GMDS: variants seen among roughly 807,000 people sequenced by gnomAD.
GMDS encodes GDP-mannose 4,6 dehydratase.
A neutral mutation model predicts 49.9 loss-of-function variants in GMDS; 20 were observed. The ratio of observed to expected loss-of-function variants is 0.40; its 90% CI spans 0.28 to 0.58. The LOEUF is 0.58. Ranked by LOEUF, GMDS falls within the 20% of genes least tolerant of loss-of-function variation. GMDS has a pLI of 0.42. For synonymous variants in GMDS, 177 were observed against 178.6 expected, an observed-to-expected ratio of 0.99 and a Z score of 0.07; for missense variants, 362 against 481.4, an observed-to-expected ratio of 0.75 and a Z score of 2.32.
chr6:2,132,452 T>C (rs892673571), intron 1 of GMDS, among the ~76,000 whole-genome samples: 4 of 152,218 alleles, frequency 2.6e-5, no homozygotes, highest in African/African-American at 9.6e-5. Context: ...GATAGGATTA[T>C]GTTTCAACAT....
At chr6:2,138,577 T>C (rs551509083) in intron 1 of GMDS, among the ~76,000 whole-genome samples, 41 of 152,314 alleles carry the variant, frequency 2.7e-4, no homozygotes, top group Admixed American at 2.5e-3. Context: ...TGCGGTCTAG[T>C]GGGAGGTGTT....
chr6:1,862,626 C>T (rs1237065809), intron 7 of GMDS, among the ~76,000 whole-genome samples: 1 of 152,204 alleles, frequency 6.6e-6, no homozygotes, highest in East Asian at 1.9e-4. Context: ...TTAGTCTTTG[C>T]CAAAGAACCT....
At chr6:2,207,907 T>C (rs1177819057) in intron 1 of GMDS, among the ~76,000 whole-genome samples, 1 of 151,874 alleles carries the variant, frequency 6.6e-6, no homozygotes, top group Non-Finnish European at 1.5e-5. Context: ...AAACAGGATC[T>C]TGAGAACCAA....
At chr6:1,853,876 G>C (rs901777741) in intron 7 of GMDS, among the ~76,000 whole-genome samples, 1 of 152,108 alleles carries the variant, frequency 6.6e-6, no homozygotes. Context: ...TAAATGCAAG[G>C]TGTATTTTTA....
At chr6:1,888,732 C>A (rs375851872) in intron 7 of GMDS, among the ~76,000 whole-genome samples, 3 of 152,110 alleles carry the variant, frequency 2.0e-5, no homozygotes, top group African/African-American at 7.2e-5. Context: ...CAAGGCAAGT[C>A]CCTTCTGCCT....
chr6:1,836,483 T>C lies in GMDS; in HGVS notation c.771+93620A>G, dbSNP rs1448638890. Among the ~76,000 whole-genome samples the C allele has an allele frequency of 4.6e-5, 7 of 152,380 alleles. No homozygotes were observed. The highest frequency in any genetic ancestry group is 8.8e-5 in the Non-Finnish European group (6 of 68,044). On this transcript the variant is annotated intron_variant, in intron 7 of 10. Transcript: ENST00000380815. This position sits in a 1 kb window ranked among gnomAD's most constrained non-coding sequence, Gnocchi z 4.2. Reference sequence around the variant, plus strand: ...ATCATAGTATTTTCTATTATGTTGCTAGATAAAGACATTTTTAGAGTTTCA... The same window carrying C: ...ATCATAGTATTTTCTATTATGTTGCCAGATAAAGACATTTTTAGAGTTTCA...
chr6:1,631,558 G>GT (rs925028620), intron 9 of GMDS, among the ~76,000 whole-genome samples: 1 of 151,970 alleles, frequency 6.6e-6, no homozygotes, highest in Non-Finnish European at 1.5e-5. Context: ...TGTAGATGGG[G>GT]TTTTTTTCCT....
chr6:1,670,371 T>G (rs1400997933), intron 9 of GMDS, among the ~76,000 whole-genome samples: 4 of 107,642 alleles, frequency 3.7e-5, no homozygotes, highest in Non-Finnish European at 6.9e-5. Context: ...TTTTTTTTGG[T>G]TTTTTTTTTT....
chr6:1,840,785 G>A (rs1472228152), intron 7 of GMDS, among the ~76,000 whole-genome samples: 1 of 152,162 alleles, frequency 6.6e-6, no homozygotes, highest in Non-Finnish European at 1.5e-5. Flanking sequence ...CTTAAAAAAA[G>A]GAAAAATTTG....
chr6:1,900,621 T>C (rs1276622186), intron 7 of GMDS, among the ~76,000 whole-genome samples: 1 of 152,170 alleles, frequency 6.6e-6, no homozygotes, highest in Admixed American at 6.5e-5. Context: ...AGTCATGAAG[T>C]TTTATGGCCA....
chr6:1,704,661 A>C (rs758805489), intron 9 of GMDS, among the ~76,000 whole-genome samples: 5 of 152,232 alleles, frequency 3.3e-5, no homozygotes, highest in African/African-American at 1.2e-4. Flanking sequence ...CACAGTGTCC[A>C]GTGTGTAATA....
intron 7 of GMDS, among the ~76,000 whole-genome samples, chr6:1,751,750 C>G (rs1767742022): frequency 1.3e-5 from 2 of 152,164 alleles, no homozygotes; most frequent in South Asian, 4.1e-4. Context: ...CCTCAGGCTC[C>G]CAAAGTGCTG....
intron 1 of GMDS, among the ~76,000 whole-genome samples, chr6:2,240,480 T>G (rs1471615249): frequency 6.6e-6 from 1 of 151,886 alleles, no homozygotes; most frequent in South Asian, 2.1e-4. Context: ...TTCAAACACC[T>G]GTAATCCCAG....
chr6:1,640,070 C>T lies in GMDS; in HGVS notation c.988-15530G>A, dbSNP rs1763281054. ...TGGGTAAGTGCCCGACAGACAGCAG[C>T]TCCTGCCACTGCACAGTCAGTGACG... On this transcript the variant is annotated intron_variant, in intron 9 of 10. Coordinates refer to ENST00000380815, the MANE Select transcript of GMDS (RefSeq NM_001500.4). The surrounding 1 kb of genome is among the most constrained non-coding windows in gnomAD (Gnocchi z 4.0). Among the ~76,000 whole-genome samples, 1 of 152,180 alleles carries T rather than the reference C, an allele frequency of 6.6e-6. No homozygotes were observed. The highest frequency in any genetic ancestry group is 6.5e-5 in the Admixed American group (1 of 15,284).
chr6:2,094,923 C>T (rs1391048166), intron 4 of GMDS, among the ~76,000 whole-genome samples: 1 of 152,134 alleles, frequency 6.6e-6, no homozygotes, highest in African/African-American at 2.4e-5. Context: ...CCAACGGAGG[C>T]ACAGTATGGG....
At chr6:1,715,938 C>T (rs190518838) in intron 9 of GMDS, among the ~76,000 whole-genome samples, 17 of 152,280 alleles carry the variant, frequency 1.1e-4, no homozygotes, top group Admixed American at 1.0e-3. Context: ...ACAAATTCCC[C>T]AAAATTCAAA....
intron 9 of GMDS, among the ~76,000 whole-genome samples, chr6:1,675,969 G>A (rs1010506639): frequency 2.0e-5 from 3 of 152,078 alleles, no homozygotes; most frequent in African/African-American, 7.2e-5. Context: ...TAGAAGAAAT[G>A]GATACATTCT....
At chr6:2,034,320 T>C (rs1460101803) in intron 4 of GMDS, among the ~76,000 whole-genome samples, 1 of 152,186 alleles carries the variant, frequency 6.6e-6, no homozygotes, top group Non-Finnish European at 1.5e-5. Context: ...CATACTGTAT[T>C]ATTCCATTTA....
chr6:2,199,337 T>C (rs1255807322), intron 1 of GMDS, among the ~76,000 whole-genome samples: 1 of 152,220 alleles, frequency 6.6e-6, no homozygotes, highest in Non-Finnish European at 1.5e-5. Flanking sequence ...AAATTAATTC[T>C]CTGACACAAC....
Sources: allele counts gnomAD v4.1 joint callset (sites outside exome capture counted in the v4.1 genomes callset), GRCh38; gene constraint gnomAD v4.1.1; non-coding constraint Gnocchi (gnomAD v3.1); transcripts MANE v1.5; gene names NCBI Gene and HGNC (gene_info 2026-07-23, HGNC 2026-07-21).